Variants in ABI3BP observed in about 807,000 individuals in gnomAD.
ABI3BP encodes ABI family member 3 binding protein.
In ABI3BP, 216 loss-of-function variants were observed where a neutral mutation model predicts 268.6. The ratio of observed to expected loss-of-function variants is 0.80; its 90% CI spans 0.72 to 0.90. ABI3BP has a LOEUF of 0.90. Among genes scored for constraint, ABI3BP ranks in the 40% least tolerant of loss-of-function variants. The probability of loss-of-function intolerance (pLI) is 0.00; values close to 1 mark genes in which losing one functional copy is unlikely to be tolerated. For missense variants in ABI3BP, 2,090 were observed against 2,182.4 expected, an observed-to-expected ratio of 0.96 and a Z score of 0.84; for synonymous variants, 730 against 730.0, an observed-to-expected ratio of 1.00 and a Z score of 0.00.
chr3:100,860,045 C>A (rs2153131961), intron 14 of ABI3BP, among the ~76,000 whole-genome samples: 1 of 152,252 alleles, frequency 6.6e-6, no homozygotes, highest in East Asian at 1.9e-4. Context: ...CGCACTCCAG[C>A]CTGGGAGACA....
intron 2 of ABI3BP, chr3:100,914,324 T>C: frequency 2.7e-6 from 1 of 376,258 alleles, no homozygotes; most frequent in East Asian, 7.2e-5. Flanking sequence ...CACTCTGTTA[T>C]GCCCCATGGC....
At chr3:100,905,552 C>G (rs1019190378) in intron 2 of ABI3BP, among the ~76,000 whole-genome samples, 1 of 150,780 alleles carries the variant, frequency 6.6e-6, no homozygotes, top group Non-Finnish European at 1.5e-5. Flanking sequence ...TTTTTTCCAA[C>G]TCTTCCTCAT....
intron 2 of ABI3BP, chr3:100,914,491 C>A (rs1403904066): frequency 2.2e-6 from 1 of 454,036 alleles, no homozygotes; most frequent in South Asian, 1.6e-5. Flanking sequence ...GCAGCCACTG[C>A]TGGGATTCCA....
intron 14 of ABI3BP, among the ~76,000 whole-genome samples, chr3:100,861,554 A>G (rs1027473966): frequency 6.6e-6 from 1 of 152,238 alleles, no homozygotes; most frequent in Non-Finnish European, 1.5e-5. Context: ...AGGTCTTCTT[A>G]TAATTCTCAT....
intron 1 of ABI3BP, among the ~76,000 whole-genome samples, chr3:100,946,728 C>T (rs946172783): frequency 4.0e-5 from 6 of 150,304 alleles, no homozygotes; most frequent in African/African-American, 1.2e-4. Context: ...GCAGAGGTTG[C>T]GGTGAGCCCA....
intron 58 of ABI3BP, among the ~76,000 whole-genome samples, chr3:100,779,461 G>GA (rs2096803550): frequency 6.6e-6 from 1 of 152,230 alleles, no homozygotes; most frequent in Non-Finnish European, 1.5e-5. Flanking sequence ...GGTGCTTGGA[G>GA]AAGTCTGCTT....
At chr3:100,817,277 A>G (rs147515768) in intron 42 of ABI3BP, among the ~76,000 whole-genome samples, 159 bp downstream of exon 42, 155 of 152,338 alleles carry the variant, frequency 1.0e-3, no homozygotes, top group Middle Eastern at 3.4e-3. Context: ...AAGGATCACT[A>G]ATACTCAAAT....
intron 63 of ABI3BP, 108 bp from the exon 64 acceptor site, chr3:100,754,799 T>C (rs1263360345): frequency 1.1e-6 from 1 of 872,112 alleles, no homozygotes; most frequent in Non-Finnish European, 1.9e-6. Context: ...TTTGAAATTA[T>C]GACAGTGAAT....
rs1366602035 is a variant in ABI3BP at position 100,862,385 on chromosome 3, G to A, written c.1211C>T (p.Ala404Val). ...FPFEKPRGTL[A>V]SSEKPWIVPT... is the part of the protein sequence containing the mutation. Reference sequence around the variant, plus strand: ...CACAATCCATGGCTTTTCACTTGAAGCTATATTGAAAAGAAATGGAATTTG... The same window carrying A: ...CACAATCCATGGCTTTTCACTTGAAACTATATTGAAAAGAAATGGAATTTG... The change falls in exon 14 of 68, where the codon GCT (alanine) becomes GTT (valine). Residue 404 changes from alanine to valine, a missense_variant and splice_region_variant. Physicochemically the swap from Ala to Val is moderately conservative, Grantham distance 64 (BLOSUM62 0). Transcript: ENST00000471714. 2.5e-6 allele frequency: 4 copies of A among 1,574,426 alleles called. No homozygotes were observed. The highest frequency in any genetic ancestry group is 3.4e-6 in the Non-Finnish European group (4 of 1,163,004).
chr3:100,847,431 G>A (rs916749875), intron 19 of ABI3BP, among the ~76,000 whole-genome samples, 171 bp downstream of exon 19: 7 of 152,214 alleles, frequency 4.6e-5, no homozygotes, highest in Non-Finnish European at 5.9e-5. Context: ...GGGCCAGCTA[G>A]CCACAACCAC....
intron 1 of ABI3BP, among the ~76,000 whole-genome samples, chr3:100,985,553 G>T (rs1231015241): frequency 1.3e-5 from 2 of 149,248 alleles, no homozygotes; most frequent in East Asian, 2.1e-4. Flanking sequence ...TTAAGAGATG[G>T]TGTCAGGGAT....
chr3:100,757,076 T>C (rs992053333), intron 63 of ABI3BP, among the ~76,000 whole-genome samples: 13 of 151,970 alleles, frequency 8.6e-5, no homozygotes. Flanking sequence ...ATAGAAGTTT[T>C]GGAAGATAAA....
At chr3:100,829,381 A>C (rs546224858) in intron 33 of ABI3BP, among the ~76,000 whole-genome samples, 200 bp downstream of exon 33, 1 of 152,296 alleles carries the variant, frequency 6.6e-6, no homozygotes, top group East Asian at 1.9e-4. Context: ...AAGGATGAAG[A>C]GAATTGAATG....
chr3:100,830,552 T>C (rs759490068), intron 32 of ABI3BP, 26 bp downstream of exon 32: 2 of 1,529,198 alleles, frequency 1.3e-6, no homozygotes, highest in South Asian at 1.2e-5. Context: ...GAGAGGCAGA[T>C]GTTGATGGAC....
intron 1 of ABI3BP, among the ~76,000 whole-genome samples, chr3:100,957,526 T>C (rs1439115584): frequency 6.6e-6 from 1 of 152,136 alleles, no homozygotes; most frequent in African/African-American, 2.4e-5. Context: ...TGTTGGTATT[T>C]AGACGGTATT....
intron 21 of ABI3BP, among the ~76,000 whole-genome samples, chr3:100,841,205 T>TG (rs1359331213): frequency 1.6e-5 from 2 of 127,172 alleles, no homozygotes; most frequent in Non-Finnish European, 3.4e-5. Flanking sequence ...TTTTTTTTTT[T>TG]TTTTTTTTTT....
chr3:100,854,525 C>G (rs2098916727), intron 14 of ABI3BP, among the ~76,000 whole-genome samples: 1 of 152,166 alleles, frequency 6.6e-6, no homozygotes, highest in Non-Finnish European at 1.5e-5. Flanking sequence ...TTTCTAAAAG[C>G]TACACTAGCT....
intron 1 of ABI3BP, among the ~76,000 whole-genome samples, chr3:100,963,941 G>C (rs1562111152): frequency 6.6e-6 from 1 of 152,146 alleles, no homozygotes; most frequent in Non-Finnish European, 1.5e-5. Flanking sequence ...GCTAGAGATG[G>C]TTTCTCTGTT....
intron 1 of ABI3BP, among the ~76,000 whole-genome samples, chr3:100,956,999 G>T (rs1231240218): frequency 6.6e-6 from 1 of 152,160 alleles, no homozygotes; most frequent in African/African-American, 2.4e-5. Flanking sequence ...TTTATTCTGT[G>T]ATGGTAAGTT....
Sources: allele counts gnomAD v4.1 joint callset (sites outside exome capture counted in the v4.1 genomes callset), GRCh38; gene constraint gnomAD v4.1.1; transcripts MANE v1.5; gene names NCBI Gene and HGNC (gene_info 2026-07-23, HGNC 2026-07-21).